Variants in MED16 observed in about 807,000 individuals in gnomAD.
MED16 encodes mediator complex subunit 16.
MED16 carries 81 observed loss-of-function variants against 84.4 expected under a neutral mutation model. The observed-to-expected ratio is 0.96, with a 90% CI of 0.80 to 1.15. MED16 has a LOEUF of 1.15. Among genes scored for constraint, MED16 ranks in the 50% most tolerant of loss-of-function variants. The probability of loss-of-function intolerance (pLI) is 0.00; values close to 1 mark genes in which losing one functional copy is unlikely to be tolerated. For synonymous variants in MED16, 897 were observed against 552.2 expected, an observed-to-expected ratio of 1.62 and a Z score of -8.76; for missense variants, 1,585 against 1,245.9, an observed-to-expected ratio of 1.27 and a Z score of -4.10.
intron 8 of MED16, among the ~76,000 whole-genome samples, chr19:878,765 C>G (rs113924929): frequency 0.013 from 14 of 1,046 alleles, no homozygotes; most frequent in East Asian, 0.038. Context: ...CCAGCAGCTC[C>G]CCTTCCCCTG....
rs753058407 is a variant in MED16 at position 880,005 on chromosome 19, C to T, written c.1285G>A (p.Val429Ile). The T allele has an allele frequency of 3.4e-5, 54 of 1,609,704 alleles. No individual in the cohort carries two copies. Among genetic ancestry groups the T allele is most frequent in the East Asian group, 1.8e-4 (8 of 44,826 alleles). ...GATAGCTGCATAGCCTTTAAGTGGA[C>T]GGCGGGGCCCGCGGTGCGGGGGCGC... ...MKRPRTAGPAVHLKAMQLSWT... is the reference protein window; with the variant it reads ...MKRPRTAGPAIHLKAMQLSWT... The change falls in exon 8 of 16, where the codon GTC becomes ATC. Residue 429 changes from valine to isoleucine, a missense_variant. Transcript: ENST00000325464.
chr19:876,006 G>A (rs1165037176), intron 9 of MED16, among the ~76,000 whole-genome samples: 3 of 152,238 alleles, frequency 2.0e-5, no homozygotes, highest in Non-Finnish European at 4.4e-5. Flanking sequence ...GACGGCCCAA[G>A]GAGGGAGAGG....
chr19:889,632 A>C lies in MED16; in HGVS notation c.447+6T>G. 6.2e-7 allele frequency: 1 copy of C among 1,606,378 alleles called. No homozygotes were observed. Among genetic ancestry groups the C allele is most frequent in the Non-Finnish European group, 8.5e-7 (1 of 1,174,172 alleles). On this transcript the variant is annotated splice_donor_region_variant and intron_variant, in intron 4 of 15. Coordinates refer to ENST00000325464, the MANE Select transcript of MED16 (RefSeq NM_005481.3). ...CCTCATCCGCTCACTCGGGCAGGACACTCACCTTCTCCACGTGCAGGGCCA... is the reference window on the plus strand; with the variant it reads ...CCTCATCCGCTCACTCGGGCAGGACCCTCACCTTCTCCACGTGCAGGGCCA...
chr19:890,090 C>G, intron 3 of MED16, 47 bp downstream of exon 3: 1 of 1,422,016 alleles, frequency 7.0e-7, no homozygotes, highest in South Asian at 1.2e-5. Context: ...CCCCCCTGCT[C>G]CGGGATCCGG....
chr19:876,921 C>G (rs1031905553), intron 9 of MED16, 53 bp downstream of exon 9: 39 of 1,535,470 alleles, frequency 2.5e-5, no homozygotes, highest in Non-Finnish European at 3.4e-5. Context: ...GGGGCCCCCA[C>G]CTGCCACAGG....
intron 9 of MED16, among the ~76,000 whole-genome samples, chr19:876,466 G>A (rs2036232032): frequency 6.6e-6 from 1 of 152,116 alleles, no homozygotes; most frequent in Non-Finnish European, 1.5e-5. Context: ...GGCTTAGAAA[G>A]ATACCTCCAG....
At position 877,189 on chromosome 19, in the gene MED16, G is replaced by C. The variant is rs375749711; in HGVS notation, c.1354-9C>G. ...AGGCGGAGCACGCTCAGCTGCCAGA[G>C]ACAGAGCCCAAGGAGAGCCCGGTGA... is the stretch of plus-strand genomic sequence containing the variant. On this transcript the variant is annotated splice_polypyrimidine_tract_variant and intron_variant, in intron 8 of 15. Coordinates refer to ENST00000325464, the MANE Select transcript of MED16 (RefSeq NM_005481.3). The C allele has an allele frequency of 1.7e-5, 28 of 1,603,590 alleles. No homozygotes were observed. The highest frequency in any genetic ancestry group is 1.5e-4 in the Admixed American group (9 of 58,816).
chr19:871,656 C>G, intron 12 of MED16: 2 of 1,582,130 alleles, frequency 1.3e-6, no homozygotes, highest in Non-Finnish European at 1.7e-6. Context: ...TGGACCTGTG[C>G]TAGGAACTGG....
chr19:872,154 G>C (rs759548933), intron 11 of MED16, 36 bp from the exon 12 acceptor site: 11 of 1,560,666 alleles, frequency 7.0e-6, no homozygotes, highest in South Asian at 1.2e-5. Flanking sequence ...CTGGGGCGGC[G>C]GGGGGCAGAT....
At chr19:890,887 C>A in intron 2 of MED16, 76 bp downstream of exon 2, 3 of 1,498,886 alleles carry the variant, frequency 2.0e-6, no homozygotes, top group Non-Finnish European at 2.7e-6. Context: ...CCCTTCAAGG[C>A]AGTGGGCCGG....
chr19:889,902 G>A lies in MED16; in HGVS notation c.278-95C>T, dbSNP rs948141822. On this transcript the variant is annotated intron_variant, in intron 3 of 15. Transcript: ENST00000325464. ...GCGCCTGGGGGAAGCCAGCCCAGTG[G>A]AGAGGTCTCGGCCCAGGTAGGGCAC... is the stretch of plus-strand genomic sequence containing the variant. 2.3e-5 allele frequency: 33 copies of A among 1,432,494 alleles called. No homozygotes were observed. The African/African-American group carries it at 4.2e-4, about 18-fold the overall frequency. The allele number at this position is 1,432,494 out of a possible 1,614,324, so 88.7% of individuals were successfully genotyped here. A position where few individuals can be genotyped will look rare whatever the true frequency, so the allele number is the denominator to read the frequency against.
At chr19:876,630 G>A (rs1007487745) in intron 9 of MED16, among the ~76,000 whole-genome samples, 1 of 151,962 alleles carries the variant, frequency 6.6e-6, no homozygotes, top group Admixed American at 6.6e-5. Flanking sequence ...CACCCCACAC[G>A]CAGCCTCACC....
intron 8 of MED16, among the ~76,000 whole-genome samples, chr19:879,607 C>G (rs1325358396): frequency 7.3e-6 from 1 of 136,710 alleles, no homozygotes; most frequent in Non-Finnish European, 1.6e-5. Flanking sequence ...CCGTGGTTGT[C>G]AATGCCCCCC....
chr19:880,228 G>T (rs537936758), intron 7 of MED16, 80 bp from the exon 8 acceptor site: 37 of 1,355,200 alleles, frequency 2.7e-5, no homozygotes, highest in Non-Finnish European at 3.5e-5. Flanking sequence ...GCTCTGCAGG[G>T]TGTGGAGAGC....
chr19:881,807 G>A, intron 6 of MED16, 93 bp from the exon 7 acceptor site: 1 of 1,444,458 alleles, frequency 6.9e-7, no homozygotes, highest in South Asian at 1.3e-5. Context: ...TGTGCAACCT[G>A]CCCAGGGCCC....
At chr19:884,211 C>T (rs1171730836) in intron 6 of MED16, among the ~76,000 whole-genome samples, 2 of 152,200 alleles carry the variant, frequency 1.3e-5, no homozygotes, top group African/African-American at 4.8e-5. Flanking sequence ...GGAGGCCAGC[C>T]TAAAAACCAG....
intron 14 of MED16, 111 bp downstream of exon 14, chr19:868,752 G>A (rs533482112): frequency 2.6e-4 from 317 of 1,235,014 alleles, no homozygotes; most frequent in South Asian, 3.6e-4. Context: ...CCTCTGGGAC[G>A]TGCTCCCTCC....
At position 891,008 on chromosome 19, in the gene MED16, G is replaced by A. The variant is rs146876080; in HGVS notation, c.124C>T (p.Arg42Ter). Reference protein sequence around the residue: ...SVPLACAWSCRNLIAFTMDLR... With the variant: ...SVPLACAWSC Reference sequence around the variant, plus strand: ...TCCATGGTGAAGGCGATGAGATTTCGGCAGGACCAGGCGCAGGCCAGGGGC... The same window carrying A: ...TCCATGGTGAAGGCGATGAGATTTCAGCAGGACCAGGCGCAGGCCAGGGGC... Residue 42 changes from arginine to a stop codon, truncating the protein, a stop_gained, in exon 2 of 16, where the codon CGA becomes TGA. Coordinates refer to ENST00000325464, the MANE Select transcript of MED16 (RefSeq NM_005481.3). LOFTEE classifies it high-confidence loss of function. The A allele has an allele frequency of 2.1e-5, 34 of 1,613,914 alleles. No homozygotes were observed. Among genetic ancestry groups the A allele is most frequent in the Admixed American group, 3.3e-5 (2 of 59,980 alleles).
At chr19:876,268 T>C (rs568508861) in intron 9 of MED16, among the ~76,000 whole-genome samples, 1 of 152,116 alleles carries the variant, frequency 6.6e-6, no homozygotes, top group Non-Finnish European at 1.5e-5. Flanking sequence ...GAGGACACTC[T>C]GGGATTGCAG....
Sources: gnomAD v4.1 joint callset for allele counts (sites outside exome capture counted in the v4.1 genomes callset) on GRCh38, gnomAD v4.1.1 for gene constraint, MANE v1.5 for transcripts, NCBI Gene and HGNC (gene_info 2026-07-23, HGNC 2026-07-21) for gene names.